Variants in MARCHF1 observed in about 807,000 individuals in gnomAD.
The protein encoded by MARCHF1 is E3 ubiquitin-protein ligase MARCHF1.
Under a neutral mutation model 54.2 loss-of-function variants are expected in MARCHF1, and 40 were observed. The observed-to-expected ratio is 0.74, with a 90% CI of 0.57 to 0.96. The LOEUF is 0.96. MARCHF1 is among the 40% of genes least tolerant of loss of function. The pLI is 0.00. For missense variants in MARCHF1, 586 were observed against 656.5 expected (o/e 0.89, Z 1.17); for synonymous variants, 236 against 236.3 (o/e 1.00, Z 0.01).
intron 3 of MARCHF1, among the ~76,000 whole-genome samples, chr4:163,914,223 C>T (rs1751257720): frequency 6.6e-6 from 1 of 151,992 alleles, no homozygotes; most frequent in South Asian, 2.1e-4. Context: ...TATCAAACCA[C>T]TGACAATAAA....
intron 3 of MARCHF1, chr4:163,933,169 A>T (rs1164653607): frequency 5.8e-5 from 46 of 799,250 alleles, no homozygotes; most frequent in South Asian, 1.5e-4. Flanking sequence ...CACCCTCATT[A>T]TGGAGTTTCT....
At chr4:163,923,810 A>G (rs1189202447) in intron 3 of MARCHF1, among the ~76,000 whole-genome samples, 1 of 151,684 alleles carries the variant, frequency 6.6e-6, no homozygotes, top group Non-Finnish European at 1.5e-5. Context: ...AATTTAAATC[A>G]CCCGCATCTT....
At chr4:163,785,195 G>A (rs942671213) in intron 4 of MARCHF1, among the ~76,000 whole-genome samples, 3 of 151,976 alleles carry the variant, frequency 2.0e-5, no homozygotes, top group African/African-American at 7.2e-5. Context: ...AGAACTTAAC[G>A]TGATTAAAAT....
At chr4:163,966,540 A>G (rs1752447739) in intron 3 of MARCHF1, among the ~76,000 whole-genome samples, 1 of 152,176 alleles carries the variant, frequency 6.6e-6, no homozygotes, top group South Asian at 2.1e-4. Context: ...GACAATAAAC[A>G]ATGCTTCCCA....
In MARCHF1 at chr4:163,715,117, T is replaced by C. The variant is rs1169589024; in HGVS notation, c.112-14254A>G. 3.3e-5 allele frequency among the ~76,000 whole-genome samples: 5 copies of C among 152,256 alleles called. No homozygotes were observed. In the East Asian group the frequency reaches 9.6e-4, roughly 29 times the overall value. On this transcript the variant is annotated intron_variant, in intron 4 of 9. Transcript: ENST00000514618. ...TAAATGGATTTTGGTCATAGTATAT[T>C]ATAATTTGGATTTAACATACAGTAT...
chr4:164,029,898 G>A (rs945822141), intron 2 of MARCHF1, among the ~76,000 whole-genome samples: 3 of 152,104 alleles, frequency 2.0e-5, no homozygotes, highest in African/African-American at 7.2e-5. Flanking sequence ...CCCGGCCCAG[G>A]ATTTTAGCCT....
chr4:164,128,284 C>T (rs1756228126), intron 1 of MARCHF1, among the ~76,000 whole-genome samples: 1 of 151,950 alleles, frequency 6.6e-6, no homozygotes, highest in Non-Finnish European at 1.5e-5. Flanking sequence ...AGAAAATGCA[C>T]ACATAATCAC....
intron 1 of MARCHF1, among the ~76,000 whole-genome samples, chr4:164,240,229 A>C (rs945181759): frequency 1.3e-5 from 2 of 152,148 alleles, no homozygotes; most frequent in African/African-American, 2.4e-5. Flanking sequence ...TCAGTTCACA[A>C]ATTCTCGAAT....
intron 5 of MARCHF1, among the ~76,000 whole-genome samples, chr4:163,630,099 TTA>T (rs1367278483): frequency 6.6e-6 from 1 of 152,158 alleles, no homozygotes; most frequent in Non-Finnish European, 1.5e-5. Flanking sequence ...CTAAGAAAAA[TTA>T]TGTCATATGT....
chr4:164,067,997 C>T (rs144792960), intron 2 of MARCHF1, among the ~76,000 whole-genome samples: 1,880 of 152,206 alleles, frequency 0.012, 38 homozygotes, highest in African/African-American at 0.043. Flanking sequence ...TCATCAGAGA[C>T]ATGCAAATAA....
At chr4:163,639,317 C>T (rs1742471033) in intron 5 of MARCHF1, among the ~76,000 whole-genome samples, 1 of 152,078 alleles carries the variant, frequency 6.6e-6, no homozygotes, top group South Asian at 2.1e-4. Flanking sequence ...ATGAGTTGCA[C>T]TGTCCGTAAT....
At chr4:164,089,927 C>A (rs79437611) in intron 2 of MARCHF1, among the ~76,000 whole-genome samples, 1 of 151,310 alleles carries the variant, frequency 6.6e-6, no homozygotes, top group African/African-American at 2.4e-5. Flanking sequence ...CCTCCTTGAG[C>A]AAATTTTAGT....
intron 3 of MARCHF1, among the ~76,000 whole-genome samples, chr4:163,884,971 C>T (rs1750496139): frequency 6.6e-6 from 1 of 152,144 alleles, no homozygotes; most frequent in East Asian, 1.9e-4. Flanking sequence ...CTTCCCTCTG[C>T]AGATGGTGAC....
chr4:163,873,454 C>G (rs1750223066), intron 3 of MARCHF1, among the ~76,000 whole-genome samples: 1 of 152,186 alleles, frequency 6.6e-6, no homozygotes, highest in Non-Finnish European at 1.5e-5. Context: ...CTCTGTTTAT[C>G]TCAGCCTCAT....
intron 4 of MARCHF1, among the ~76,000 whole-genome samples, chr4:163,706,922 T>C (rs1202504302): frequency 2.0e-5 from 3 of 152,160 alleles, no homozygotes; most frequent in East Asian, 3.9e-4. Context: ...AACTGAAAGA[T>C]CAGTGTAATC....
intron 2 of MARCHF1, among the ~76,000 whole-genome samples, chr4:164,031,311 G>A (rs899231474): frequency 3.9e-5 from 6 of 152,084 alleles, no homozygotes; most frequent in Admixed American, 2.6e-4. Context: ...ATGGTAGTTT[G>A]TATTTCTGTG....
At chr4:164,256,432 T>TAAAAAAAAAAAAAAAAAAAGAAA (rs11345775) in intron 1 of MARCHF1, among the ~76,000 whole-genome samples, 1 of 121,862 alleles carries the variant, frequency 8.2e-6, no homozygotes, top group African/African-American at 3.1e-5. Flanking sequence ...ACAAGAAGCT[T>TAAAAAAAAAAAAAAAAAAAGAAA]AAAAAAAAAA....
At chr4:164,258,460 T>C (rs915955056) in intron 1 of MARCHF1, among the ~76,000 whole-genome samples, 2 of 151,542 alleles carry the variant, frequency 1.3e-5, no homozygotes, top group African/African-American at 4.9e-5. Context: ...CTAGTTTCTG[T>C]TTCACATTTA....
chr4:164,346,771 C>A (rs1329740320), intron 1 of MARCHF1, among the ~76,000 whole-genome samples: 1 of 151,232 alleles, frequency 6.6e-6, no homozygotes, highest in Non-Finnish European at 1.5e-5. Context: ...CAGCACCTAG[C>A]ATGAGTATCA....
Sources: allele counts gnomAD v4.1 joint callset (sites outside exome capture counted in the v4.1 genomes callset), GRCh38; gene constraint gnomAD v4.1.1; transcripts MANE v1.5; gene names NCBI Gene and HGNC (gene_info 2026-07-23, HGNC 2026-07-21).